ABCA13: variants seen among roughly 807,000 people sequenced by gnomAD.
ABCA13 encodes ATP binding cassette subfamily A member 13.
Under a neutral mutation model 478.7 loss-of-function variants are expected in ABCA13, and 476 were observed. The observed-to-expected ratio is 0.99, with a 90% CI of 0.92 to 1.07. The LOEUF (loss-of-function observed/expected upper bound fraction) is 1.07. ABCA13 is among the 50% of genes least tolerant of loss of function. ABCA13 has a pLI of 0.00. For missense variants in ABCA13, 6,060 were observed against 5,910.6 expected, an observed-to-expected ratio of 1.03 and a Z score of -0.83; for synonymous variants, 2,252 against 2,158.9, an observed-to-expected ratio of 1.04 and a Z score of -1.20.
At chr7:48,619,587 A>C (rs1321813705) in intron 59 of ABCA13, among the ~76,000 whole-genome samples, 1 of 152,242 alleles carries the variant, frequency 6.6e-6, no homozygotes, top group East Asian at 1.9e-4. Context: ...TCACAAGTGC[A>C]GAGAGTGAGT....
At chr7:48,479,071 C>T (rs1022133604) in intron 45 of ABCA13, among the ~76,000 whole-genome samples, 2 of 151,172 alleles carry the variant, frequency 1.3e-5, no homozygotes, top group African/African-American at 4.9e-5. Context: ...CCTCAGCCTC[C>T]CAAGTAGCTG....
intron 55 of ABCA13, among the ~76,000 whole-genome samples, chr7:48,557,538 A>C (rs1310138285): frequency 6.6e-6 from 1 of 151,970 alleles, no homozygotes; most frequent in Non-Finnish European, 1.5e-5. Context: ...TTTTGCCTGT[A>C]AGGTTTCCAC....
At chr7:48,494,721 A>G (rs557998889) in intron 48 of ABCA13, among the ~76,000 whole-genome samples, 3 of 152,194 alleles carry the variant, frequency 2.0e-5, no homozygotes, top group African/African-American at 4.8e-5. Context: ...TGTGAACCCT[A>G]TGAAAGAGAG....
At chr7:48,390,540 A>G (rs190486398) in intron 37 of ABCA13, among the ~76,000 whole-genome samples, 2 of 152,362 alleles carry the variant, frequency 1.3e-5, no homozygotes, top group African/African-American at 4.8e-5. Flanking sequence ...GTTTTGACAC[A>G]TTTGGTTAGT....
intron 43 of ABCA13, among the ~76,000 whole-genome samples, chr7:48,461,589 T>C (rs1381197194): frequency 6.6e-6 from 1 of 152,206 alleles, no homozygotes; most frequent in Non-Finnish European, 1.5e-5. Context: ...AGTGAATATA[T>C]ATCCTTCATG....
In ABCA13 at chr7:48,281,346, T is replaced by G. The variant is rs762843556; in HGVS notation, c.8730T>G (p.Val2910=). 2 of 1,598,960 alleles carry G rather than the reference T, an allele frequency of 1.3e-6. No homozygotes were observed. Among genetic ancestry groups the G allele is most frequent in the Non-Finnish European group, 1.7e-6 (2 of 1,172,512 alleles). Residue 2910 remains valine (V), a synonymous_variant, in exon 19 of 62, where the codon GTT becomes GTG. Transcript: ENST00000435803. ...TTGTATATATTTTTTTGCTAAGTGT[T>G]GTTGAGATTTGTGAAGTTTTCCAGC... ...WQQIPLTDQS[V]VEICEVFQQT...
At chr7:48,474,731 T>C (rs907606309) in intron 45 of ABCA13, among the ~76,000 whole-genome samples, 1 of 152,202 alleles carries the variant, frequency 6.6e-6, no homozygotes, top group Non-Finnish European at 1.5e-5. Context: ...TTGTTTTCTA[T>C]GCCTCAGCAC....
intron 42 of ABCA13, among the ~76,000 whole-genome samples, chr7:48,448,236 G>A (rs906801331): frequency 3.9e-5 from 6 of 152,154 alleles, no homozygotes; most frequent in African/African-American, 7.2e-5. Flanking sequence ...AATGACAACC[G>A]CAAAGGAAGC....
chr7:48,293,160 A>C (rs1331464252), intron 20 of ABCA13, among the ~76,000 whole-genome samples: 4 of 147,006 alleles, frequency 2.7e-5, no homozygotes, highest in Non-Finnish European at 1.5e-5. Context: ...CTGATCATGG[A>C]TTAACGTTCA....
rs1427744492 is a variant in ABCA13 at position 48,249,260 on chromosome 7, T to C, written c.1914T>C (p.Tyr638=). 2.5e-6 allele frequency: 4 copies of C among 1,613,146 alleles called. No homozygotes were observed. Among genetic ancestry groups the C allele is most frequent in the Non-Finnish European group, 3.4e-6 (4 of 1,179,418 alleles). The change falls in exon 15 of 62, where the codon TAT becomes TAC. Residue 638 remains tyrosine, a synonymous_variant. Transcript: ENST00000435803. Reference sequence around the variant, plus strand: ...CACAATTTTTCCTGGAACAAGCATATTATTGGAAAGCCTTCAAAAAGTTTA... The same window carrying C: ...CACAATTTTTCCTGGAACAAGCATACTATTGGAAAGCCTTCAAAAAGTTTA... ...EKTQFFLEQA[Y]YWKAFKKFIR...
At chr7:48,592,210 A>G (rs1585909077) in intron 57 of ABCA13, among the ~76,000 whole-genome samples, 1 of 151,452 alleles carries the variant, frequency 6.6e-6, no homozygotes, top group African/African-American at 2.4e-5. Flanking sequence ...TTTTTTTCTT[A>G]ATGTTGATGA....
At chr7:48,596,053 G>A (rs1790252046) in intron 58 of ABCA13, among the ~76,000 whole-genome samples, 1 of 152,202 alleles carries the variant, frequency 6.6e-6, no homozygotes, top group Non-Finnish European at 1.5e-5. Flanking sequence ...AGCATTATTA[G>A]TTTACGTAAA....
intron 55 of ABCA13, among the ~76,000 whole-genome samples, chr7:48,564,381 C>T (rs1786806545): frequency 6.6e-6 from 1 of 151,708 alleles, no homozygotes; most frequent in Admixed American, 6.6e-5. Flanking sequence ...TTATCAACAG[C>T]TTATTAACAA....
Position 48,439,861 on chromosome 7 carries a change from T to G in ABCA13, c.12565+11990T>G, listed in dbSNP as rs532758436. On this transcript the variant is annotated intron_variant, in intron 42 of 61. Coordinates refer to ENST00000435803, the MANE Select transcript of ABCA13 (RefSeq NM_152701.5). ...CCTTTGTCATATGACGTAGTTTAAT[T>G]GTGGGAGTGACAGTGTGTATTCAGG... Among the ~76,000 whole-genome samples, 5 of 152,234 alleles carry G rather than the reference T, an allele frequency of 3.3e-5. No individual in the cohort carries two copies. In the South Asian group the frequency reaches 1.0e-3, roughly 32 times the overall value.
chr7:48,613,124 T>C (rs1282708095), intron 58 of ABCA13, among the ~76,000 whole-genome samples: 3 of 152,112 alleles, frequency 2.0e-5, no homozygotes, highest in Non-Finnish European at 4.4e-5. Flanking sequence ...TGTTTTAAAC[T>C]AACATATATT....
At chr7:48,500,701 C>T (rs1163104732) in intron 48 of ABCA13, among the ~76,000 whole-genome samples, 1 of 152,196 alleles carries the variant, frequency 6.6e-6, no homozygotes, top group South Asian at 2.1e-4. Context: ...TTTCACCCTG[C>T]ACCTCTCTGC....
At chr7:48,251,373 T>C (rs1320309887) in intron 15 of ABCA13, among the ~76,000 whole-genome samples, 1 of 152,232 alleles carries the variant, frequency 6.6e-6, no homozygotes, top group Admixed American at 6.5e-5. Context: ...ATGATTATCT[T>C]GTTTAATCCT....
intron 8 of ABCA13, among the ~76,000 whole-genome samples, chr7:48,235,628 T>C (rs895716264): frequency 3.9e-5 from 6 of 152,174 alleles, no homozygotes; most frequent in Admixed American, 3.9e-4. Context: ...AATCAAGGTG[T>C]CTGCAGGGCT....
At chr7:48,308,884 G>T (rs182964285) in intron 23 of ABCA13, among the ~76,000 whole-genome samples, 22 of 149,572 alleles carry the variant, frequency 1.5e-4, no homozygotes, top group African/African-American at 5.4e-4. Context: ...TGTAGTCTAG[G>T]AGCAATAGAC....
Sources: gnomAD v4.1 joint callset for allele counts (sites outside exome capture counted in the v4.1 genomes callset) on GRCh38, gnomAD v4.1.1 for gene constraint, MANE v1.5 for transcripts, NCBI Gene and HGNC (gene_info 2026-07-23, HGNC 2026-07-21) for gene names.